The following NPIPB2 variants were observed in gnomAD, a reference collection of about 807,000 sequenced individuals.
NPIPB2 encodes nuclear pore complex interacting protein family member B2.
Under a neutral mutation model 30.8 loss-of-function variants are expected in NPIPB2, and 27 were observed. The observed-to-expected ratio is 0.88, with a 90% confidence interval of 0.65 to 1.21. The LOEUF (loss-of-function observed/expected upper bound fraction) is 1.21, where lower values mean the gene tolerates loss of function less well. NPIPB2 is among the 50% of genes most tolerant of loss of function. The pLI is 0.00. For missense variants in NPIPB2, 440 were observed against 446.2 expected, an observed-to-expected ratio of 0.99 and a Z score of 0.13; for synonymous variants, 147 against 162.0, an observed-to-expected ratio of 0.91 and a Z score of 0.70.
chr16:11,969,146 T>G (rs2150943368), intron 1 of NPIPB2, among the ~76,000 whole-genome samples: 1 of 152,142 alleles, frequency 6.6e-6, no homozygotes, highest in South Asian at 2.1e-4. Flanking sequence ...GGATTACCGG[T>G]GTGAGCTATC....
At chr16:11,956,536 C>T (rs550970176) in intron 1 of NPIPB2, among the ~76,000 whole-genome samples, 2 of 152,168 alleles carry the variant, frequency 1.3e-5, no homozygotes, top group East Asian at 1.9e-4. Context: ...ATTAGCTGGG[C>T]GTGGTGGCAG....
At chr16:11,966,252 G>T in intron 1 of NPIPB2, 1 of 1,614,072 alleles carries the variant, frequency 6.2e-7, no homozygotes, top group Non-Finnish European at 8.5e-7. Flanking sequence ...TTGGGACTGA[G>T]CTTAATAATT....
intron 1 of NPIPB2, among the ~76,000 whole-genome samples, chr16:11,955,504 T>C (rs1427149299): frequency 6.8e-6 from 1 of 147,788 alleles, no homozygotes; most frequent in Non-Finnish European, 1.5e-5. Flanking sequence ...GGTCAGAAGA[T>C]CGAAACCACC....
chr16:11,930,415 T>C lies in NPIPB2; in HGVS notation c.590+35A>G, dbSNP rs2054775513. On this transcript the variant is annotated intron_variant, in intron 5 of 7. Coordinates refer to ENST00000399147, the Ensembl canonical transcript of NPIPB2. ...TTAAAAACAACACTCCAATGGGCGT[T>C]TCCCAAGAGGGTGGGGTTCAGTTTC... 3 of 1,525,638 alleles carry C rather than the reference T, an allele frequency of 2.0e-6. No individual in the cohort carries two copies. The South Asian group carries it at 3.6e-5, about 18-fold the overall frequency. The allele number at this position is 1,525,638 out of a possible 1,614,324, so 94.5% of individuals were successfully genotyped here.
chr16:11,933,432 G>GA (rs1236062090), intron 4 of NPIPB2, 85 bp downstream of exon 4: 4 of 1,571,136 alleles, frequency 2.5e-6, no homozygotes, highest in Middle Eastern at 2.3e-4. Flanking sequence ...AAATATTGTA[G>GA]AAAATATTCT....
chr16:11,973,759 G>C (rs916369716), intron 1 of NPIPB2, among the ~76,000 whole-genome samples: 4 of 151,998 alleles, frequency 2.6e-5, no homozygotes, highest in African/African-American at 9.7e-5. Flanking sequence ...GCCTCCCAAA[G>C]TGCTGGGATT....
At chr16:11,952,003 C>T (rs531738897) in intron 1 of NPIPB2, among the ~76,000 whole-genome samples, 8 of 151,996 alleles carry the variant, frequency 5.3e-5, no homozygotes, top group African/African-American at 1.9e-4. Flanking sequence ...ACTAAAAATA[C>T]GAAAAATTAG....
intron 2 of NPIPB2, among the ~76,000 whole-genome samples, chr16:11,936,430 T>C (rs1243059361): frequency 1.3e-5 from 2 of 149,136 alleles, no homozygotes; most frequent in Non-Finnish European, 3.0e-5. Flanking sequence ...ATATATTTTC[T>C]GTTTTCTACA....
intron 1 of NPIPB2, among the ~76,000 whole-genome samples, chr16:11,972,932 G>T (rs142890348): frequency 6.6e-6 from 1 of 151,672 alleles, no homozygotes; most frequent in African/African-American, 2.4e-5. Context: ...AGGCCGAGGC[G>T]GGCGGATCAC....
intron 1 of NPIPB2, among the ~76,000 whole-genome samples, chr16:11,953,995 T>C (rs1438850281): frequency 6.6e-6 from 1 of 152,034 alleles, no homozygotes; most frequent in Non-Finnish European, 1.5e-5. Context: ...CTTTTTTTGG[T>C]AAACAGTGCC....
intron 1 of NPIPB2, among the ~76,000 whole-genome samples, chr16:11,953,141 T>A (rs1293310340): frequency 6.6e-6 from 1 of 152,090 alleles, no homozygotes; most frequent in Non-Finnish European, 1.5e-5. Flanking sequence ...TTGAAAACCC[T>A]AATTCATTCT....
At chr16:11,931,753 G>A (rs256381) in intron 4 of NPIPB2, among the ~76,000 whole-genome samples, 110,632 of 137,978 alleles carry the variant, frequency 0.8, 44,574 homozygotes, top group Non-Finnish European at 0.85. Flanking sequence ...TCTGATCTCC[G>A]ATGAGAACAA....
intron 1 of NPIPB2, among the ~76,000 whole-genome samples, chr16:11,947,636 T>C (rs980033376): frequency 4.0e-5 from 6 of 151,476 alleles, no homozygotes; most frequent in Non-Finnish European, 7.4e-5. Flanking sequence ...GAGCCACCGC[T>C]CCTGGCCACA....
chr16:11,966,324 A>G (rs375303867), intron 1 of NPIPB2: 2 of 1,612,626 alleles, frequency 1.2e-6, no homozygotes, highest in Non-Finnish European at 1.7e-6. Flanking sequence ...CCATTAAAGG[A>G]CGAGTTTAAA....
intron 1 of NPIPB2, among the ~76,000 whole-genome samples, chr16:11,965,967 T>C (rs1319523830): frequency 6.6e-6 from 1 of 151,934 alleles, no homozygotes. Flanking sequence ...AAAAATTAGC[T>C]GGGCATGGTG....
chr16:11,968,532 T>A (rs2055214445), intron 1 of NPIPB2: 1 of 152,190 alleles, frequency 6.6e-6, no homozygotes, highest in Non-Finnish European at 1.5e-5. Flanking sequence ...TCTGCTGGAT[T>A]TTATAGTGCC....
At chr16:11,951,666 A>ACACACACACACACACACACACACCCC (rs1226047972) in intron 1 of NPIPB2, among the ~76,000 whole-genome samples, 9 of 138,968 alleles carry the variant, frequency 6.5e-5, no homozygotes, top group Non-Finnish European at 9.3e-5. Flanking sequence ...ACACACACAC[A>ACACACACACACACACACACACACCCC]CCCAGCCCCC....
chr16:11,965,657 C>T (rs1272790341), intron 1 of NPIPB2, among the ~76,000 whole-genome samples: 1 of 151,976 alleles, frequency 6.6e-6, no homozygotes, highest in Non-Finnish European at 1.5e-5. Flanking sequence ...GCACTATTAG[C>T]AACATAGATT....
intron 1 of NPIPB2, among the ~76,000 whole-genome samples, chr16:11,957,408 C>G (rs2055120936): frequency 1.3e-5 from 2 of 152,088 alleles, no homozygotes; most frequent in South Asian, 4.1e-4. Flanking sequence ...CGTGACCCAC[C>G]TGCCTCGGCC....
Sources: allele counts gnomAD v4.1 joint callset (sites outside exome capture counted in the v4.1 genomes callset), GRCh38; gene constraint gnomAD v4.1.1; transcripts MANE v1.5; gene names NCBI Gene and HGNC (gene_info 2026-07-23, HGNC 2026-07-21).